C6orf89: variants seen among roughly 807,000 people sequenced by gnomAD.
C6orf89 encodes chromosome 6 open reading frame 89, also known as bombesin receptor-activated protein C6orf89.
In C6orf89, 29 loss-of-function variants were observed where a neutral mutation model predicts 40.7. The ratio of observed to expected loss-of-function variants is 0.71; its 90% confidence interval spans 0.53 to 0.97. The LOEUF is 0.97. Ranked by LOEUF, C6orf89 falls within the 50% of genes least tolerant of loss-of-function variation. C6orf89 has a pLI of 0.00. For synonymous variants in C6orf89, 165 were observed against 152.2 expected, an observed-to-expected ratio of 1.08 and a Z score of -0.62; for missense variants, 392 against 429.1, an observed-to-expected ratio of 0.91 and a Z score of 0.76.
At chr6:36,874,756 G>T in intron 1 of C6orf89, 6 of 1,614,188 alleles carry the variant, frequency 3.7e-6, no homozygotes, top group Non-Finnish European at 5.1e-6. Flanking sequence ...CCAGGAATCT[G>T]GGGGAATTGC....
chr6:36,916,639 A>G (rs1762333896), intron 7 of C6orf89, 65 bp downstream of exon 7: 1 of 1,595,284 alleles, frequency 6.3e-7, no homozygotes, highest in Admixed American at 1.7e-5. Context: ...CTGATGTCAT[A>G]ACCAAGGCCT....
chr6:36,872,244 T>A (rs1182785676), intron 1 of C6orf89, among the ~76,000 whole-genome samples: 2 of 152,046 alleles, frequency 1.3e-5, no homozygotes, highest in African/African-American at 4.8e-5. Flanking sequence ...TTTAATTTTT[T>A]AAAAAAAGAG....
chr6:36,874,656 C>A, intron 1 of C6orf89: 1 of 1,590,990 alleles, frequency 6.3e-7, no homozygotes, highest in Non-Finnish European at 8.6e-7. Context: ...GAACGCAGAC[C>A]CGTGGTGAGG....
At chr6:36,900,585 G>A (rs139253524) in intron 3 of C6orf89, among the ~76,000 whole-genome samples, 4 of 144,314 alleles carry the variant, frequency 2.8e-5, no homozygotes, top group Admixed American at 1.4e-4. Context: ...CTGCAGCCTC[G>A]AACTCCCAGA....
At chr6:36,914,529 T>C (rs1762245038) in intron 5 of C6orf89, 25 bp from the exon 6 acceptor site, 1 of 1,613,134 alleles carries the variant, frequency 6.2e-7, no homozygotes, top group South Asian at 1.1e-5. Flanking sequence ...CTGTGTTGTT[T>C]TGTTTTGTTT....
intron 1 of C6orf89, chr6:36,874,963 T>G (rs1774612725): frequency 3.2e-6 from 2 of 620,676 alleles, no homozygotes; most frequent in Admixed American, 3.1e-5. Flanking sequence ...GAGAAGAAGC[T>G]GGGCTCAAGA....
At chr6:36,896,981 T>G (rs189516207) in intron 2 of C6orf89, among the ~76,000 whole-genome samples, 182 of 151,066 alleles carry the variant, frequency 1.2e-3, no homozygotes, top group Admixed American at 3.4e-3. Flanking sequence ...TCCAAAAAAA[T>G]TTGCTGGGCG....
At chr6:36,878,814 C>T (rs750475700) in intron 1 of C6orf89, among the ~76,000 whole-genome samples, 5 of 152,176 alleles carry the variant, frequency 3.3e-5, no homozygotes, top group South Asian at 2.1e-4. Flanking sequence ...TAACCAATCT[C>T]GCTGTTTCTG....
chr6:36,900,448 CTCCTCGGCT>C (rs1232770050), intron 3 of C6orf89, among the ~76,000 whole-genome samples: 1 of 151,536 alleles, frequency 6.6e-6, no homozygotes, highest in Non-Finnish European at 1.5e-5. Flanking sequence ...GTGATCTGCC[CTCCTCGGCT>C]TCCCAAAGTG....
intron 2 of C6orf89, 105 bp downstream of exon 2, chr6:36,894,708 G>A (rs916034843): frequency 2.9e-5 from 6 of 205,964 alleles, no homozygotes; most frequent in Non-Finnish European, 5.1e-5. Flanking sequence ...AAATGGGATC[G>A]ATCACAGCTA....
At chr6:36,920,238 A>T (rs1762467003) in intron 8 of C6orf89, among the ~76,000 whole-genome samples, 1 of 152,220 alleles carries the variant, frequency 6.6e-6, no homozygotes, top group Admixed American at 6.5e-5. Flanking sequence ...TCACAGCCTC[A>T]CATTGATGAC....
chr6:36,905,402 C>T (rs2150699235), intron 4 of C6orf89, among the ~76,000 whole-genome samples: 1 of 152,322 alleles, frequency 6.6e-6, no homozygotes, highest in South Asian at 2.1e-4. Flanking sequence ...CACTGTCTCT[C>T]TCGGATCATC....
intron 1 of C6orf89, among the ~76,000 whole-genome samples, chr6:36,874,212 C>A (rs1488472755): frequency 6.6e-6 from 1 of 152,202 alleles, no homozygotes; most frequent in Non-Finnish European, 1.5e-5. Flanking sequence ...TACAGCGGGG[C>A]ATGGCGCCAG....
rs533366298 is a variant in C6orf89, at chr6:36,926,704, A to G, written c.*3263A>G. ...CATTCCAGTTTACAAAGTGCCTGAT[A>G]TACATGATCTCCTTTAATCTTCACC... On this transcript the variant is annotated 3_prime_UTR_variant, in exon 9 of 9. Transcript: ENST00000480824. 1.3e-5 allele frequency: 2 copies of G among 152,320 alleles called. No individual in the cohort carries two copies. Among genetic ancestry groups the G allele is most frequent in the African/African-American group, 4.8e-5 (2 of 41,578 alleles). 9.4% of individuals were successfully genotyped at this position (152,320 alleles called of 1,614,324 possible).
At chr6:36,889,889 A>G (rs1761126719) in intron 1 of C6orf89, among the ~76,000 whole-genome samples, 1 of 152,254 alleles carries the variant, frequency 6.6e-6, no homozygotes, top group African/African-American at 2.4e-5. Flanking sequence ...AATGTGTTGC[A>G]AATAACTTTC....
intron 7 of C6orf89, 62 bp downstream of exon 7, chr6:36,916,636 C>T (rs559090939): frequency 1.3e-6 from 2 of 1,599,716 alleles, no homozygotes; most frequent in East Asian, 2.2e-5. Flanking sequence ...GGACTGATGT[C>T]ATAACCAAGG....
chr6:36,920,374 G>A (rs1427270150), intron 8 of C6orf89, among the ~76,000 whole-genome samples: 2 of 152,222 alleles, frequency 1.3e-5, no homozygotes, highest in African/African-American at 4.8e-5. Context: ...CTGTTTGACA[G>A]CCGAGTTTTC....
At chr6:36,916,056 G>A (rs1157892900) in intron 6 of C6orf89, among the ~76,000 whole-genome samples, 1 of 152,162 alleles carries the variant, frequency 6.6e-6, no homozygotes, top group Non-Finnish European at 1.5e-5. Context: ...GTCTCCCTGT[G>A]CCTCAGAAGA....
intron 7 of C6orf89, among the ~76,000 whole-genome samples, chr6:36,916,820 T>C (rs1237296527): frequency 1.3e-5 from 2 of 152,150 alleles, no homozygotes; most frequent in South Asian, 2.1e-4. Context: ...CCTTAACACC[T>C]GAGGCAAACT....
Sources: allele counts gnomAD v4.1 joint callset (sites outside exome capture counted in the v4.1 genomes callset), GRCh38; gene constraint gnomAD v4.1.1; transcripts MANE v1.5; gene names NCBI Gene and HGNC (gene_info 2026-07-23, HGNC 2026-07-21).